The following TMEM176A variants were observed in gnomAD, a reference collection of about 807,000 sequenced individuals.
The protein encoded by TMEM176A is hepatocellular carcinoma-associated antigen 112.
Under a neutral mutation model 27.9 loss-of-function variants are expected in TMEM176A, and 20 were observed. That is an observed-to-expected ratio of 0.72 (90% CI 0.50 to 1.04). The LOEUF (loss-of-function observed/expected upper bound fraction) is 1.04, where lower values mean the gene tolerates loss of function less well. Among genes scored for constraint, TMEM176A ranks in the 50% least tolerant of loss-of-function variants. The pLI is 0.00. For synonymous variants in TMEM176A, 125 were observed against 118.0 expected, an observed-to-expected ratio of 1.06 and a Z score of -0.38; for missense variants, 252 against 289.1, an observed-to-expected ratio of 0.87 and a Z score of 0.93.
rs1453264993 is a variant in TMEM176A, at chr7:150,802,215, G to A, written c.175G>A (p.Val59Met). The stretch of plus-strand genomic sequence containing the variant: ...GGATCTTGGGTCCTTTGTCTTTCAG[G>A]TGATGCAGATCGTGCTGGGGATCTT... ...GSSRLLVASWVMQIVLGILSA... is the reference protein window; with the variant it reads ...GSSRLLVASWMMQIVLGILSA... Residue 59 changes from valine to methionine, a missense_variant and splice_region_variant, in exon 3 of 7, where the codon GTG (valine) becomes ATG (methionine). Coordinates refer to ENST00000004103, the MANE Select transcript of TMEM176A (RefSeq NM_018487.3). The A allele has an allele frequency of 6.2e-7, 1 of 1,613,964 alleles. No individual in the cohort carries two copies.
intron 2 of TMEM176A, chr7:150,801,949 G>A: frequency 3.2e-6 from 2 of 623,288 alleles, no homozygotes; most frequent in Non-Finnish European, 5.6e-6. Context: ...AATCAGTGGA[G>A]CCCTGAGTCC....
At position 150,802,221 on chromosome 7, in the gene TMEM176A, C is replaced by A; in HGVS notation, c.181C>A (p.Gln61Lys). The A allele has an allele frequency of 6.2e-7, 1 of 1,613,958 alleles. No individual in the cohort carries two copies. The highest frequency in any genetic ancestry group is 8.5e-7 in the Non-Finnish European group (1 of 1,179,904). Residue 61 changes from glutamine (Q) to lysine (K), a missense_variant, in exon 3 of 7, where the codon CAG (glutamine) becomes AAG (lysine). Transcript: ENST00000004103. ...TGGGTCCTTTGTCTTTCAGGTGATGCAGATCGTGCTGGGGATCTTGAGTGC... is the reference window on the plus strand; with the variant it reads ...TGGGTCCTTTGTCTTTCAGGTGATGAAGATCGTGCTGGGGATCTTGAGTGC... ...SRLLVASWVM[Q>K]IVLGILSAVL...
chr7:150,804,896 G>A lies in TMEM176A; in HGVS notation c.*28G>A, dbSNP rs1296906722. On this transcript the variant is annotated 3_prime_UTR_variant, in exon 7 of 7. Transcript: ENST00000004103. ...ATGCCTCTCCTGATTATTAGTGCCT[G>A]GTGCTTCTGCACCGGGCGTCCCTGC... 1 of 1,613,406 alleles carries A rather than the reference G, an allele frequency of 6.2e-7. No homozygotes were observed. The highest frequency in any genetic ancestry group is 2.2e-5 in the East Asian group (1 of 44,876).
intron 3 of TMEM176A, chr7:150,803,153 G>A: frequency 8.1e-7 from 1 of 1,234,360 alleles, no homozygotes; most frequent in African/African-American, 1.5e-5. Flanking sequence ...GGTTTAGAAG[G>A]GAAGAGGGGC....
Position 150,803,769 on chromosome 7 carries a change from C to T in TMEM176A, c.492C>T (p.Pro164=). 6.2e-7 allele frequency: 1 copy of T among 1,614,228 alleles called. No individual in the cohort carries two copies. The highest frequency in any genetic ancestry group is 1.3e-5 in the African/African-American group (1 of 75,062). Residue 164 remains proline, a synonymous_variant, in exon 5 of 7, where the codon CCC becomes CCT. Transcript: ENST00000004103. ...CGAGTGACTGGAACACTCCAGCCCC[C>T]ACTCAGAGTCCAGAAGAAGTCAGAA... ...SSSSDWNTPA[P]TQSPEEVRRL... is the part of the protein sequence containing the mutation.
Position 150,803,393 on chromosome 7 carries a change from T to C in TMEM176A, c.286-7T>C. 1 of 1,569,658 alleles carries C rather than the reference T, an allele frequency of 6.4e-7. No homozygotes were observed. The highest frequency in any genetic ancestry group is 8.6e-7 in the Non-Finnish European group (1 of 1,161,942). On this transcript the variant is annotated splice_region_variant and splice_polypyrimidine_tract_variant and intron_variant, in intron 3 of 6. Transcript: ENST00000004103. ...CTAAGCCTGCTCCTGGCTCAATCTC[T>C]CCCCAGGCTGTGCTGGCTGGAGCTG...
intron 3 of TMEM176A, 88 bp downstream of exon 3, chr7:150,802,413 A>C: frequency 8.5e-7 from 1 of 1,181,440 alleles, no homozygotes; most frequent in East Asian, 2.4e-5. Flanking sequence ...GGCGCCACAG[A>C]ATGCTGGCAG....
rs1232202578 is a variant in TMEM176A at position 150,802,248 on chromosome 7, G to C, written c.208G>C (p.Val70Leu). 5 of 1,613,624 alleles carry C rather than the reference G, an allele frequency of 3.1e-6. No individual in the cohort carries two copies. Among genetic ancestry groups the C allele is most frequent in the Non-Finnish European group, 4.2e-6 (5 of 1,179,924 alleles). The change falls in exon 3 of 7, where the codon GTC (valine) becomes CTC (leucine). Residue 70 changes from valine to leucine, a missense_variant. Coordinates refer to ENST00000004103, the MANE Select transcript of TMEM176A (RefSeq NM_018487.3). ...GATCGTGCTGGGGATCTTGAGTGCA[G>C]TCCTAGGAGGATTTTTCTACATCCG... is the stretch of plus-strand genomic sequence containing the variant. ...MQIVLGILSA[V>L]LGGFFYIRDY...
intron 3 of TMEM176A, 95 bp from the exon 4 acceptor site, chr7:150,803,305 C>A: frequency 6.8e-7 from 1 of 1,470,976 alleles, no homozygotes; most frequent in East Asian, 2.4e-5. Flanking sequence ...CCCGCCCAAG[C>A]TGTGTGCTGG....
At chr7:150,802,084 C>CTCTTCTCTTG (rs1263717859) in intron 2 of TMEM176A, 131 bp from the exon 3 acceptor site, 29 of 658,002 alleles carry the variant, frequency 4.4e-5, no homozygotes, top group Non-Finnish European at 6.6e-5. Flanking sequence ...CTTTTCTCTT[C>CTCTTCTCTTG]TCTTCTCTTC....
chr7:150,802,487 G>A (rs954352743), intron 3 of TMEM176A, 162 bp downstream of exon 3: 15 of 732,020 alleles, frequency 2.0e-5, no homozygotes, highest in Admixed American at 1.5e-4. Flanking sequence ...AGCTGAGGGC[G>A]GTGGTGGCAT....
chr7:150,801,307 G>A, intron 1 of TMEM176A: 2 of 477,868 alleles, frequency 4.2e-6, no homozygotes, highest in Non-Finnish European at 7.3e-6. Flanking sequence ...GATCTTGGGC[G>A]AAAGGGGAGG....
In TMEM176A at chr7:150,804,760, C is replaced by A. The variant is rs75232049; in HGVS notation, c.667-67C>A. ...TTCTGGTAGCTCCAGAGCTAAGCTG[C>A]CCCTGGAGGAGAGACTCCGCCCTTT... is the stretch of plus-strand genomic sequence containing the variant. On this transcript the variant is annotated intron_variant, in intron 6 of 6. Coordinates refer to ENST00000004103, the MANE Select transcript of TMEM176A (RefSeq NM_018487.3). The A allele has an allele frequency of 3.4e-3, 5,083 of 1,515,726 alleles. 142 individuals carry two copies. In the African/African-American group the frequency reaches 0.058, roughly 17 times the overall value. The allele number at this position is 1,515,726 out of a possible 1,614,324, so 93.9% of individuals were successfully genotyped here. A position where few individuals can be genotyped will look rare whatever the true frequency, so the allele number is the denominator to read the frequency against.
chr7:150,804,648 AC>A (rs1798885216), intron 6 of TMEM176A, 176 bp downstream of exon 6: 2 of 863,222 alleles, frequency 2.3e-6, no homozygotes, highest in Non-Finnish European at 3.7e-6. Context: ...CCTATCCCCA[AC>A]CAAGTGGCCC....
chr7:150,801,023 C>T (rs943322051), intron 1 of TMEM176A, 195 bp downstream of exon 1: 68 of 984,488 alleles, frequency 6.9e-5, no homozygotes, highest in Non-Finnish European at 6.0e-5. Flanking sequence ...CTTCACGGGG[C>T]AGGGGCGGCG....
At chr7:150,804,218 A>G in intron 5 of TMEM176A, 144 bp from the exon 6 acceptor site, 2 of 653,080 alleles carry the variant, frequency 3.1e-6, no homozygotes, top group Non-Finnish European at 5.4e-6. Flanking sequence ...TATTCTGTAC[A>G]TTGAATGCAT....
Position 150,801,536 on chromosome 7 carries a change from A to C in TMEM176A, c.-15A>C. 2 of 1,583,456 alleles carry C rather than the reference A, an allele frequency of 1.3e-6. No individual in the cohort carries two copies. The highest frequency in any genetic ancestry group is 1.7e-6 in the Non-Finnish European group (2 of 1,169,538). On this transcript the variant is annotated splice_region_variant and 5_prime_UTR_variant, in exon 2 of 7. Coordinates refer to ENST00000004103, the MANE Select transcript of TMEM176A (RefSeq NM_018487.3). ...CTCTCTGGTGCTCCCTTCCTCATAG[A>C]CTGTGTCCCTGACAATGGGAACAGC...
At chr7:150,804,173 G>A (rs1041881211) in intron 5 of TMEM176A, among the ~76,000 whole-genome samples, 189 bp from the exon 6 acceptor site, 1 of 152,198 alleles carries the variant, frequency 6.6e-6, no homozygotes, top group African/African-American at 2.4e-5. Context: ...CTGTACAAAT[G>A]AGGACACAGG....
At chr7:150,803,297 C>A in intron 3 of TMEM176A, 103 bp from the exon 4 acceptor site, 2 of 1,452,182 alleles carry the variant, frequency 1.4e-6, no homozygotes, top group East Asian at 2.4e-5. Context: ...TGAAACCTCC[C>A]GCCCAAGCTG....
Sources: allele counts gnomAD v4.1 joint callset (sites outside exome capture counted in the v4.1 genomes callset), GRCh38; gene constraint gnomAD v4.1.1; transcripts MANE v1.5; gene names NCBI Gene and HGNC (gene_info 2026-07-23, HGNC 2026-07-21).